The following TNIP1 variants were observed in gnomAD, a reference collection of about 807,000 sequenced individuals.
The protein encoded by TNIP1 is TNFAIP3 interacting protein 1, also known as TNFAIP3-interacting protein 1.
TNIP1 carries 22 observed loss-of-function variants against 86.6 expected under a neutral mutation model. The ratio of observed to expected loss-of-function variants is 0.25; its 90% CI spans 0.18 to 0.36. The LOEUF is 0.36. Among genes scored for constraint, TNIP1 ranks in the 10% least tolerant of loss-of-function variants. The pLI is 1.00. For synonymous variants in TNIP1, 294 were observed against 313.0 expected, an observed-to-expected ratio of 0.94 and a Z score of 0.64; for missense variants, 709 against 820.6, an observed-to-expected ratio of 0.86 and a Z score of 1.66.
intron 11 of TNIP1, among the ~76,000 whole-genome samples, chr5:151,041,931 T>G (rs796666462): frequency 2.6e-4 from 39 of 149,720 alleles, no homozygotes; most frequent in African/African-American, 9.3e-4. Context: ...ACAGCAGGCC[T>G]GCTTGGATCT....
chr5:151,056,315 C>T (rs1018402208), intron 6 of TNIP1, among the ~76,000 whole-genome samples: 6 of 152,068 alleles, frequency 3.9e-5, no homozygotes, highest in African/African-American at 9.7e-5. Context: ...CTTTGGAATG[C>T]GAGAGATCGA....
At chr5:151,055,242 T>G (rs553200641) in intron 6 of TNIP1, among the ~76,000 whole-genome samples, 2 of 151,688 alleles carry the variant, frequency 1.3e-5, no homozygotes, top group East Asian at 3.9e-4. Context: ...AAAAAGAGTA[T>G]AAGAAAAAAT....
At chr5:151,047,758 C>T (rs1308617883) in intron 8 of TNIP1, among the ~76,000 whole-genome samples, 3 of 151,968 alleles carry the variant, frequency 2.0e-5, no homozygotes, top group African/African-American at 4.8e-5. Flanking sequence ...GCCAGTAGTC[C>T]GGAGGGTGTG....
chr5:151,030,099 C>G lies in TNIP1; in HGVS notation c.*614G>C, dbSNP rs1186421085. 1 of 456,876 alleles carries G rather than the reference C, an allele frequency of 2.2e-6. No homozygotes were observed. The highest frequency in any genetic ancestry group is 2.0e-5 in the African/African-American group (1 of 50,210). The allele number at this position is 456,876 out of a possible 1,614,324, so 28.3% of individuals were successfully genotyped here. On this transcript the variant is annotated 3_prime_UTR_variant, in exon 18 of 18. Coordinates refer to ENST00000521591, the MANE Select transcript of TNIP1 (RefSeq NM_006058.5). Reference sequence around the variant, plus strand: ...GGCCTGGCAGCTTCAGGCTGGCGCCCCTCGGCGGACGTGGCTGGCATGGCC... The same window carrying G: ...GGCCTGGCAGCTTCAGGCTGGCGCCGCTCGGCGGACGTGGCTGGCATGGCC...
chr5:151,067,690 C>T lies in TNIP1; in HGVS notation c.-36-2559G>A, dbSNP rs779629332. Among the ~76,000 whole-genome samples, 56 of 152,146 alleles carry T rather than the reference C, an allele frequency of 3.7e-4. 1 individual carries two copies. Among genetic ancestry groups the T allele is most frequent in the Admixed American group, 3.2e-3 (49 of 15,278 alleles). ...CAGGGAGCAAGTCCATCCTGTGTGC[C>T]AGGGTATCTTCAGAGTGGCCCAGAG... On this transcript the variant is annotated intron_variant, in intron 1 of 17. Transcript: ENST00000521591.
chr5:151,058,523 C>T (rs539688066), intron 5 of TNIP1, among the ~76,000 whole-genome samples: 2 of 152,328 alleles, frequency 1.3e-5, no homozygotes, highest in Admixed American at 1.3e-4. Context: ...GCCCTACAGC[C>T]GCAGGTCCCA....
chr5:151,034,581 C>G, intron 15 of TNIP1: 1 of 306,726 alleles, frequency 3.3e-6, no homozygotes, highest in South Asian at 2.6e-5. Flanking sequence ...AGGCTGAGCA[C>G]ATGGGCATGG....
chr5:151,042,299 G>A (rs914853881), intron 11 of TNIP1, among the ~76,000 whole-genome samples: 1 of 152,052 alleles, frequency 6.6e-6, no homozygotes, highest in African/African-American at 2.4e-5. Flanking sequence ...CAATTTTAAT[G>A]GAACAAAAAG....
intron 4 of TNIP1, among the ~76,000 whole-genome samples, chr5:151,061,353 T>C (rs1761541077): frequency 6.6e-6 from 1 of 152,166 alleles, no homozygotes; most frequent in Admixed American, 6.5e-5. Context: ...CATCTACATT[T>C]TCCCCATTAC....
At chr5:151,054,167 G>A (rs758897301) in intron 6 of TNIP1, among the ~76,000 whole-genome samples, 15 of 152,310 alleles carry the variant, frequency 9.8e-5, no homozygotes, top group African/African-American at 2.2e-4. Context: ...AAAGGGCACC[G>A]GAAAGTTGGG....
At chr5:151,064,846 G>A in intron 2 of TNIP1, 114 bp downstream of exon 2, 2 of 1,475,986 alleles carry the variant, frequency 1.4e-6, no homozygotes, top group Non-Finnish European at 1.9e-6. Flanking sequence ...GGAGGGACAG[G>A]GGATGACTTG....
intron 2 of TNIP1, among the ~76,000 whole-genome samples, chr5:151,064,650 G>A (rs1273446535): frequency 6.6e-6 from 1 of 152,174 alleles, no homozygotes; most frequent in Non-Finnish European, 1.5e-5. Context: ...AGAAAGAGGA[G>A]ACCACTCTAG....
At chr5:151,034,589 T>G (rs1345822283) in intron 15 of TNIP1, 13 of 239,500 alleles carry the variant, frequency 5.4e-5, no homozygotes, top group African/African-American at 1.4e-4. Flanking sequence ...CACATGGGCA[T>G]GGAAGGCTGG....
At position 151,065,147 on chromosome 5, in the gene TNIP1, C is replaced by T; in HGVS notation, c.-36-16G>A. On this transcript the variant is annotated splice_polypyrimidine_tract_variant and intron_variant, in intron 1 of 17. Coordinates refer to ENST00000521591, the MANE Select transcript of TNIP1 (RefSeq NM_006058.5). ...GCCCGCCTGGCTGTAAGGACAACAG[C>T]AGCATATCAGCAGGCTGGCCAGGCC... 6.3e-7 allele frequency: 1 copy of T among 1,590,916 alleles called. No homozygotes were observed. The highest frequency in any genetic ancestry group is 8.6e-7 in the Non-Finnish European group (1 of 1,168,504).
chr5:151,042,821 G>A (rs1474381142), intron 10 of TNIP1, 75 bp downstream of exon 10: 1 of 1,607,584 alleles, frequency 6.2e-7, no homozygotes, highest in Admixed American at 1.7e-5. Flanking sequence ...ACTCCCCAAG[G>A]TTCAAAGCTG....
rs1761648535 is a variant in TNIP1 at position 151,062,113 on chromosome 5, C to T, written c.357+14G>A. The stretch of plus-strand genomic sequence containing the variant: ...TCCAGGCAACCTCCACCCATGACTC[C>T]AAATAAAACTTACACTGGATGGAGG... On this transcript the variant is annotated intron_variant, in intron 4 of 17. Transcript: ENST00000521591. 6.2e-7 allele frequency: 1 copy of T among 1,613,536 alleles called. No homozygotes were observed. Among genetic ancestry groups the T allele is most frequent in the Non-Finnish European group, 8.5e-7 (1 of 1,179,514 alleles).
chr5:151,082,158 C>T (rs984750964), upstream of TNIP1, among the ~76,000 whole-genome samples: 1 of 152,172 alleles, frequency 6.6e-6, no homozygotes, highest in Non-Finnish European at 1.5e-5. Context: ...TGTGACTTCG[C>T]AATAATACAC....
intron 17 of TNIP1, among the ~76,000 whole-genome samples, chr5:151,031,763 C>T (rs990878091): frequency 2.6e-5 from 4 of 152,192 alleles, no homozygotes; most frequent in African/African-American, 9.7e-5. Context: ...TCCCCTACTT[C>T]CCCTCCTCCC....
intron 5 of TNIP1, among the ~76,000 whole-genome samples, chr5:151,059,845 G>T (rs1761253326): frequency 1.0e-5 from 1 of 97,806 alleles, no homozygotes; most frequent in Non-Finnish European, 2.0e-5. Context: ...GTGTGTGTGT[G>T]TGTGTGTGTG....
Sources: gnomAD v4.1 joint callset for allele counts (sites outside exome capture counted in the v4.1 genomes callset) on GRCh38, gnomAD v4.1.1 for gene constraint, MANE v1.5 for transcripts, NCBI Gene and HGNC (gene_info 2026-07-23, HGNC 2026-07-21) for gene names.